The following HGH1 variants were observed in gnomAD, a reference collection of about 807,000 sequenced individuals.
HGH1 encodes co-chaperone protein HGH1 homolog.
HGH1 carries 31 observed loss-of-function variants against 31.7 expected under a neutral mutation model. The ratio of observed to expected loss-of-function variants is 0.98; its 90% CI spans 0.73 to 1.32. The LOEUF is 1.32. Among genes scored for constraint, HGH1 ranks in the 40% most tolerant of loss-of-function variants. The pLI is 0.00. For missense variants in HGH1, 618 were observed against 594.4 expected (o/e 1.04, Z -0.41); for synonymous variants, 284 against 293.6 (o/e 0.97, Z 0.34).
Position 144,139,038 on chromosome 8 carries a change from C to T in HGH1, c.823C>T (p.Pro275Ser), listed in dbSNP as rs1215800149. ...RLPVDLQYLP[P>S]DKQREPDADI... ...GCCTGTCGACTTGCAGTACCTGCCA[C>T]CAGACAAGCAGCGAGAACCTGATGC... Residue 275 changes from proline to serine, a missense_variant, in exon 4 of 6, where the codon CCA becomes TCA. Pro to Ser is a moderately conservative substitution (Grantham distance 74, BLOSUM62 -1). Coordinates refer to ENST00000347708, the MANE Select transcript of HGH1 (RefSeq NM_016458.4). 8.7e-6 allele frequency: 14 copies of T among 1,613,990 alleles called. No individual in the cohort carries two copies. The highest frequency in any genetic ancestry group is 1.1e-5 in the Non-Finnish European group (13 of 1,179,856).
Position 144,139,995 on chromosome 8 carries a change from C to T in HGH1, c.*443C>T, listed in dbSNP as rs952632334. ...CAAGTGCTGCTTTGTCAGCCTCACT[C>T]CCTGCAGCTCTCAGCTCCCTGTTCC... is the stretch of plus-strand genomic sequence containing the variant. On this transcript the variant is annotated 3_prime_UTR_variant, in exon 6 of 6. Coordinates refer to ENST00000347708, the MANE Select transcript of HGH1 (RefSeq NM_016458.4). 1 of 268,906 alleles carries T rather than the reference C, an allele frequency of 3.7e-6. No individual in the cohort carries two copies. The highest frequency in any genetic ancestry group is 7.2e-6 in the Non-Finnish European group (1 of 138,906). The allele number at this position is 268,906 out of a possible 1,614,324, so 16.7% of individuals were successfully genotyped here. A position where few individuals can be genotyped will look rare whatever the true frequency, so the allele number is the denominator to read the frequency against.
Position 144,139,047 on chromosome 8 carries a change from C to G in HGH1, c.832C>G (p.Gln278Glu). 4 of 1,613,994 alleles carry G rather than the reference C, an allele frequency of 2.5e-6. No homozygotes were observed. The highest frequency in any genetic ancestry group is 3.4e-6 in the Non-Finnish European group (4 of 1,179,872). ...VDLQYLPPDK[Q>E]REPDADIRKM... ...CTTGCAGTACCTGCCACCAGACAAG[C>G]AGCGAGAACCTGATGCAGACATCCG... is the stretch of plus-strand genomic sequence containing the variant. The change falls in exon 4 of 6, where the codon CAG becomes GAG. Residue 278 changes from glutamine to glutamate, a missense_variant. Transcript: ENST00000347708.
Position 144,137,879 on chromosome 8 carries a change from A to C in HGH1, c.44A>C (p.Glu15Ala). The change falls in exon 1 of 6, where the codon GAG (glutamate) becomes GCG (alanine). Residue 15 changes from glutamate to alanine, a missense_variant. Glu to Ala is a moderately radical substitution (Grantham distance 107). Transcript: ENST00000347708. The part of the protein sequence containing the change: ...GAGAGASGGP[E>A]ASPEAEVVKL... ...GGCGCTGGCGCCTCGGGAGGGCCGG[A>C]GGCAAGCCCGGAGGCAGAGGTGGTG... 1 of 1,301,420 alleles carries C rather than the reference A, an allele frequency of 7.7e-7. No individual in the cohort carries two copies. The highest frequency in any genetic ancestry group is 9.7e-7 in the Non-Finnish European group (1 of 1,028,508). 80.6% of individuals were successfully genotyped at this position (1,301,420 alleles called of 1,614,324 possible). A position where few individuals can be genotyped will look rare whatever the true frequency, so the allele number is the denominator to read the frequency against.
Position 144,138,490 on chromosome 8 carries a change from G to A in HGH1, c.594-17G>A. 1 of 1,605,364 alleles carries A rather than the reference G, an allele frequency of 6.2e-7. No individual in the cohort carries two copies. The highest frequency in any genetic ancestry group is 8.5e-7 in the Non-Finnish European group (1 of 1,177,462). On this transcript the variant is annotated splice_polypyrimidine_tract_variant and intron_variant, in intron 1 of 5. Transcript: ENST00000347708. ...CGGAAGTTAGGGGGGACGGCCCTAA[G>A]TGACACCTCCCAACAGGTGCGTGGT...
chr8:144,137,783 A>C lies in HGH1; in HGVS notation c.-53A>C, dbSNP rs1815112924. 8.4e-7 allele frequency: 1 copy of C among 1,193,710 alleles called. No homozygotes were observed. The highest frequency in any genetic ancestry group is 1.6e-5 in the African/African-American group (1 of 63,424). The allele number at this position is 1,193,710 out of a possible 1,614,324, so 73.9% of individuals were successfully genotyped here. On this transcript the variant is annotated 5_prime_UTR_variant, in exon 1 of 6. Coordinates refer to ENST00000347708, the MANE Select transcript of HGH1 (RefSeq NM_016458.4). Reference sequence around the variant, plus strand: ...GGCGGGGTTGCGGGCCACACAGCGGACCCCTAAGCGGACCGCTGGCACCGG... The same window carrying C: ...GGCGGGGTTGCGGGCCACACAGCGGCCCCCTAAGCGGACCGCTGGCACCGG...
In HGH1 at chr8:144,138,368, C is replaced by T. The variant is rs1445754984; in HGVS notation, c.533C>T (p.Pro178Leu). The T allele has an allele frequency of 2.7e-5, 43 of 1,580,978 alleles. No individual in the cohort carries two copies. Among genetic ancestry groups the T allele is most frequent in the Non-Finnish European group, 3.5e-5 (41 of 1,173,034 alleles). The change falls in exon 1 of 6, where the codon CCG (proline) becomes CTG (leucine). Residue 178 changes from proline to leucine, a missense_variant. By Grantham distance (98) the Pro-to-Leu change is moderately conservative. Transcript: ENST00000347708. ...CGCGCGCCCCTGCACTACCTAGCGC[C>T]GCTGCTCTCCAACCTCAGCCAACGC... Reference protein sequence around the residue: ...NARAPLHYLAPLLSNLSQRPA... With the variant: ...NARAPLHYLALLLSNLSQRPA...
intron 3 of HGH1, 44 bp from the exon 4 acceptor site, chr8:144,138,965 T>C (rs2130180013): frequency 6.2e-7 from 1 of 1,607,148 alleles, no homozygotes; most frequent in Non-Finnish European, 8.5e-7. Context: ...CTGGCTCAGC[T>C]GCCCAGCCCA....
chr8:144,137,972 T>G lies in HGH1; in HGVS notation c.137T>G (p.Leu46Arg). The stretch of plus-strand genomic sequence containing the variant: ...CAGGCGGCGGCGGTGCGGCACGTGC[T>G]GGCGCTGACTGGCTGCGGACCCGGC... ...DLQAAAVRHV[L>R]ALTGCGPGRA... is the part of the protein sequence containing the mutation. Residue 46 changes from leucine to arginine, a missense_variant, in exon 1 of 6, where the codon CTG becomes CGG. Physicochemically the swap from Leu to Arg is moderately radical, Grantham distance 102 (BLOSUM62 -2). Transcript: ENST00000347708. The G allele has an allele frequency of 3.0e-6, 4 of 1,336,676 alleles. No homozygotes were observed. The highest frequency in any genetic ancestry group is 3.8e-6 in the Non-Finnish European group (4 of 1,046,288). 82.8% of individuals were successfully genotyped at this position (1,336,676 alleles called of 1,614,324 possible). A position where few individuals can be genotyped will look rare whatever the true frequency, so the allele number is the denominator to read the frequency against.
Position 144,139,491 on chromosome 8 carries a change from A to G in HGH1, c.1112A>G (p.Gln371Arg). ...QQLQQLDCRE[Q>R]EQLERELAPE... is the part of the protein sequence containing the mutation. ...CTGCAGCAGCTGGATTGCAGGGAGC[A>G]GGAGCAGTTGGAGCGGGAGCTGGCC... Residue 371 changes from glutamine (Q) to arginine (R), a missense_variant, in exon 6 of 6, where the codon CAG becomes CGG. Coordinates refer to ENST00000347708, the MANE Select transcript of HGH1 (RefSeq NM_016458.4). 1.3e-6 allele frequency: 2 copies of G among 1,572,360 alleles called. No homozygotes were observed. Among genetic ancestry groups the G allele is most frequent in the Non-Finnish European group, 1.7e-6 (2 of 1,158,862 alleles).
At position 144,137,810 on chromosome 8, in the gene HGH1, C is replaced by G. The variant is rs1003192165; in HGVS notation, c.-26C>G. On this transcript the variant is annotated 5_prime_UTR_variant, in exon 1 of 6. Coordinates refer to ENST00000347708, the MANE Select transcript of HGH1 (RefSeq NM_016458.4). ...CCCTAAGCGGACCGCTGGCACCGGTCGGGTGGCAGCAGAGTGTCGCTCGAC... is the reference window on the plus strand; with the variant it reads ...CCCTAAGCGGACCGCTGGCACCGGTGGGGTGGCAGCAGAGTGTCGCTCGAC... The G allele has an allele frequency of 2.4e-6, 3 of 1,241,310 alleles. No individual in the cohort carries two copies. Among genetic ancestry groups the G allele is most frequent in the Non-Finnish European group, 2.0e-6 (2 of 992,242 alleles). The allele number at this position is 1,241,310 out of a possible 1,614,324, so 76.9% of individuals were successfully genotyped here. A position where few individuals can be genotyped will look rare whatever the true frequency, so the allele number is the denominator to read the frequency against.
At position 144,138,048 on chromosome 8, in the gene HGH1, G is replaced by A. The variant is rs1275422919; in HGVS notation, c.213G>A (p.Leu71=). ...QAALLQALME[L]APASAPARDA... is the part of the protein sequence containing the mutation. ...CGCTGCTGCAGGCGCTGATGGAGCT[G>A]GCGCCGGCCTCTGCCCCGGCCCGGG... Residue 71 remains leucine, a synonymous_variant, in exon 1 of 6, where the codon CTG becomes CTA. Coordinates refer to ENST00000347708, the MANE Select transcript of HGH1 (RefSeq NM_016458.4). 5.4e-6 allele frequency: 7 copies of A among 1,306,170 alleles called. No homozygotes were observed. Among genetic ancestry groups the A allele is most frequent in the Non-Finnish European group, 5.9e-6 (6 of 1,024,956 alleles). The allele number at this position is 1,306,170 out of a possible 1,614,324, so 80.9% of individuals were successfully genotyped here.
In HGH1 at chr8:144,138,061, GC is replaced by G; in HGVS notation, c.230del (p.Pro77ArgfsTer10). On this transcript the variant is annotated frameshift_variant, in exon 1 of 6. Coordinates refer to ENST00000347708, the MANE Select transcript of HGH1 (RefSeq NM_016458.4). LOFTEE classifies it high-confidence loss of function. ...GCTGATGGAGCTGGCGCCGGCCTCT[GC>G]CCCGGCCCGGGACGCCGCCCGCGCG... Reference protein sequence around the residue: ...QALMELAPASAPARDAARALV... With the variant: ...QALMELAPASXPARDAARALV... 2 of 1,311,854 alleles carry G rather than the reference GC, an allele frequency of 1.5e-6. No individual in the cohort carries two copies. Among genetic ancestry groups the G allele is most frequent in the Admixed American group, 3.3e-5 (1 of 30,020 alleles). 81.3% of individuals were successfully genotyped at this position (1,311,854 alleles called of 1,614,324 possible). A position where few individuals can be genotyped will look rare whatever the true frequency, so the allele number is the denominator to read the frequency against.
rs1327218806 is a variant in HGH1, at chr8:144,139,746, A to G, written c.*194A>G. 1.3e-6 allele frequency: 1 copy of G among 798,138 alleles called. No homozygotes were observed. Among genetic ancestry groups the G allele is most frequent in the Non-Finnish European group, 1.9e-6 (1 of 515,510 alleles). 49.4% of individuals were successfully genotyped at this position (798,138 alleles called of 1,614,324 possible). On this transcript the variant is annotated 3_prime_UTR_variant, in exon 6 of 6. Coordinates refer to ENST00000347708, the MANE Select transcript of HGH1 (RefSeq NM_016458.4). ...GCCCTGTGCAGTGTTGCTACCAGCA[A>G]GAATGAAGGTTGTGCAGAGCAGTAC...
Position 144,138,050 on chromosome 8 carries a change from C to T in HGH1, c.215C>T (p.Ala72Val). 1 of 1,309,528 alleles carries T rather than the reference C, an allele frequency of 7.6e-7. No individual in the cohort carries two copies. The allele number at this position is 1,309,528 out of a possible 1,614,324, so 81.1% of individuals were successfully genotyped here. ...CTGCTGCAGGCGCTGATGGAGCTGG[C>T]GCCGGCCTCTGCCCCGGCCCGGGAC... ...AALLQALMEL[A>V]PASAPARDAA... is the part of the protein sequence containing the mutation. The change falls in exon 1 of 6, where the codon GCG (alanine) becomes GTG (valine). Residue 72 changes from alanine to valine, a missense_variant. Ala to Val is a moderately conservative substitution (Grantham distance 64). Coordinates refer to ENST00000347708, the MANE Select transcript of HGH1 (RefSeq NM_016458.4).
rs1815128887 is a variant in HGH1 at position 144,138,429 on chromosome 8, G to T, written c.593+1G>T. On this transcript the variant is annotated splice_donor_variant, in intron 1 of 5. Coordinates refer to ENST00000347708, the MANE Select transcript of HGH1 (RefSeq NM_016458.4). LOFTEE classifies it high-confidence loss of function. ...GGGCCTTCCTACTGGACCCCGACAG[G>T]TGAAGCCCAGGGCGCCCGCGCGGGC... is the stretch of plus-strand genomic sequence containing the variant. The T allele has an allele frequency of 5.0e-6, 8 of 1,588,632 alleles. No individual in the cohort carries two copies. In the East Asian group the frequency reaches 1.8e-4, roughly 36 times the overall value.
intron 2 of HGH1, 46 bp from the exon 3 acceptor site, chr8:144,138,669 C>G: frequency 6.2e-7 from 1 of 1,611,052 alleles, no homozygotes; most frequent in Non-Finnish European, 8.5e-7. Context: ...CGGGGCTGCT[C>G]TGGACCAGTT....
Position 144,138,062 on chromosome 8 carries a change from C to A in HGH1, c.227C>A (p.Ala76Asp). The A allele has an allele frequency of 7.6e-7, 1 of 1,312,740 alleles. No homozygotes were observed. The highest frequency in any genetic ancestry group is 1.8e-5 in the South Asian group (1 of 56,280). The allele number at this position is 1,312,740 out of a possible 1,614,324, so 81.3% of individuals were successfully genotyped here. Reference sequence around the variant, plus strand: ...CTGATGGAGCTGGCGCCGGCCTCTGCCCCGGCCCGGGACGCCGCCCGCGCG... The same window carrying A: ...CTGATGGAGCTGGCGCCGGCCTCTGACCCGGCCCGGGACGCCGCCCGCGCG... Reference protein sequence around the residue: ...QALMELAPASAPARDAARALV... With the variant: ...QALMELAPASDPARDAARALV... Residue 76 changes from alanine to aspartate, a missense_variant, in exon 1 of 6, where the codon GCC becomes GAC. Transcript: ENST00000347708.
Position 144,139,561 on chromosome 8 carries a change from C to T in HGH1, c.*9C>T. The T allele has an allele frequency of 6.4e-7, 1 of 1,550,430 alleles. No homozygotes were observed. Among genetic ancestry groups the T allele is most frequent in the Non-Finnish European group, 8.7e-7 (1 of 1,147,288 alleles). On this transcript the variant is annotated 3_prime_UTR_variant, in exon 6 of 6. Coordinates refer to ENST00000347708, the MANE Select transcript of HGH1 (RefSeq NM_016458.4). ...GGGCCACACCCACCTGAGGCCCCTGCAGCCGGACACCAGCTCCAGGGTCCC... is the reference window on the plus strand; with the variant it reads ...GGGCCACACCCACCTGAGGCCCCTGTAGCCGGACACCAGCTCCAGGGTCCC...
chr8:144,138,955 C>A, intron 3 of HGH1, 54 bp from the exon 4 acceptor site: 1 of 1,604,342 alleles, frequency 6.2e-7, no homozygotes, highest in East Asian at 2.2e-5. Flanking sequence ...CAGGCAGAGC[C>A]TGGCTCAGCT....
Sources: gnomAD v4.1 joint callset for allele counts on GRCh38, gnomAD v4.1.1 for gene constraint, MANE v1.5 for transcripts, NCBI Gene and HGNC (gene_info 2026-07-23, HGNC 2026-07-21) for gene names.